The following RABL3 variants were observed in gnomAD, a reference collection of about 807,000 sequenced individuals.
The protein encoded by RABL3 is RAB, member of RAS oncogene family like 3, also known as rab-like protein 3.
In RABL3, 31 loss-of-function variants were observed where a neutral mutation model predicts 31.8. The observed-to-expected ratio is 0.97, with a 90% CI of 0.73 to 1.31. The LOEUF (loss-of-function observed/expected upper bound fraction) is 1.31. Ranked by LOEUF, RABL3 falls within the 40% of genes most tolerant of loss-of-function variation. The pLI, the probability that RABL3 is intolerant of heterozygous loss-of-function variation, is 0.00. For missense variants in RABL3, 263 were observed against 279.6 expected (o/e 0.94, Z 0.42); for synonymous variants, 97 against 99.9 (o/e 0.97, Z 0.18).
At chr3:120,742,303 A>G (rs1709055394) in intron 1 of RABL3, among the ~76,000 whole-genome samples, 159 bp downstream of exon 1, 1 of 152,194 alleles carries the variant, frequency 6.6e-6, no homozygotes, top group African/African-American at 2.4e-5. Flanking sequence ...CCGCGTCGTC[A>G]CACGGAGCAA....
At position 120,685,566 on chromosome 3, in the gene RABL3, C is replaced by T. The variant is rs759570644; in HGVS notation, c.*4257G>A. Among the ~76,000 whole-genome samples, 18 of 152,120 alleles carry T rather than the reference C, an allele frequency of 1.2e-4. No individual in the cohort carries two copies. The highest frequency in any genetic ancestry group is 2.1e-4 in the Non-Finnish European group (14 of 68,018). ...AAAAATGATAGCAATACATGAAAGA[C>T]AAATACTTGTTTTGCCAACAGAAGA... On this transcript the variant is annotated 3_prime_UTR_variant, in exon 8 of 8. Transcript: ENST00000273375.
intron 2 of RABL3, among the ~76,000 whole-genome samples, chr3:120,726,547 C>T (rs557124114): frequency 1.3e-5 from 2 of 152,112 alleles, no homozygotes; most frequent in Non-Finnish European, 1.5e-5. Flanking sequence ...TCGAGACCAG[C>T]CTAGCCAACA....
At chr3:120,691,385 G>A (rs148285092) in intron 6 of RABL3, among the ~76,000 whole-genome samples, 40 of 152,292 alleles carry the variant, frequency 2.6e-4, no homozygotes, top group Non-Finnish European at 3.8e-4. Flanking sequence ...TGGTGTGAAA[G>A]CAACATGCAT....
intron 1 of RABL3, among the ~76,000 whole-genome samples, chr3:120,739,488 C>T (rs1009578942): frequency 2.0e-5 from 3 of 152,020 alleles, no homozygotes; most frequent in Admixed American, 6.5e-5. Flanking sequence ...AGTTGTTTTT[C>T]CTCTCATAAA....
At chr3:120,719,959 C>T (rs964316611) in intron 2 of RABL3, among the ~76,000 whole-genome samples, 1 of 152,206 alleles carries the variant, frequency 6.6e-6, no homozygotes, top group African/African-American at 2.4e-5. Context: ...TGACACCTCA[C>T]ACGGCCAGGT....
Position 120,725,151 on chromosome 3 carries a change from C to G in RABL3, c.138+5545G>C, listed in dbSNP as rs1451091314. On this transcript the variant is annotated intron_variant, in intron 2 of 7. Transcript: ENST00000273375. ...AGTGAGTGAAGGATATGAACAGACA[C>G]TTCTCAAAAGAAGACATTTATGCAG... 2.0e-5 allele frequency among the ~76,000 whole-genome samples: 3 copies of G among 152,226 alleles called. No homozygotes were observed. In the East Asian group the frequency reaches 5.8e-4, roughly 29 times the overall value.
In RABL3 at chr3:120,706,657, T is replaced by C. The variant is rs75722614; in HGVS notation, c.269-543A>G. The stretch of plus-strand genomic sequence containing the variant: ...TGACAAAATAGTGTCCTGTAGATCA[T>C]CTGAGACTAATCTATTCAAATGTCT... On this transcript the variant is annotated intron_variant, in intron 3 of 7. Transcript: ENST00000273375. Among the ~76,000 whole-genome samples, 1,149 of 146,984 alleles carry C rather than the reference T, an allele frequency of 7.8e-3. 24 individuals carry two copies. Among genetic ancestry groups the C allele is most frequent in the African/African-American group, 0.026 (1,089 of 41,192 alleles).
At chr3:120,737,368 C>T (rs547831028) in intron 1 of RABL3, among the ~76,000 whole-genome samples, 26 of 152,346 alleles carry the variant, frequency 1.7e-4, no homozygotes, top group South Asian at 4.1e-4. Context: ...TGGTTTTCAG[C>T]TCCAACAGGT....
At chr3:120,723,453 C>A (rs1708774804) in intron 2 of RABL3, among the ~76,000 whole-genome samples, 1 of 152,130 alleles carries the variant, frequency 6.6e-6, no homozygotes, top group Admixed American at 6.6e-5. Context: ...TTTTATGAGG[C>A]CAGCATCATC....
chr3:120,734,462 C>G (rs956569611), intron 1 of RABL3, among the ~76,000 whole-genome samples: 5 of 152,184 alleles, frequency 3.3e-5, no homozygotes, highest in African/African-American at 1.2e-4. Flanking sequence ...ATGGGGTTTT[C>G]TGGATATACT....
At chr3:120,728,458 G>C (rs1265221298) in intron 2 of RABL3, among the ~76,000 whole-genome samples, 1 of 152,168 alleles carries the variant, frequency 6.6e-6, no homozygotes, top group African/African-American at 2.4e-5. Flanking sequence ...CTCTTTCACA[G>C]AATCGGAGCT....
intron 2 of RABL3, among the ~76,000 whole-genome samples, chr3:120,718,714 T>C (rs1708699086): frequency 6.6e-6 from 1 of 152,196 alleles, no homozygotes; most frequent in African/African-American, 2.4e-5. Flanking sequence ...ATCTTACTTA[T>C]AAGAGACATC....
At chr3:120,717,856 G>C (rs911085688) in intron 2 of RABL3, among the ~76,000 whole-genome samples, 16 of 152,084 alleles carry the variant, frequency 1.1e-4, no homozygotes, top group African/African-American at 3.4e-4. Flanking sequence ...TCTCATGTTG[G>C]CCTGCTCTCT....
chr3:120,726,808 A>T (rs1416332844), intron 2 of RABL3, among the ~76,000 whole-genome samples: 1 of 151,946 alleles, frequency 6.6e-6, no homozygotes, highest in African/African-American at 2.4e-5. Flanking sequence ...CATGGAGCAA[A>T]TCTCAACAAA....
chr3:120,717,665 C>T (rs1449899688), intron 2 of RABL3, among the ~76,000 whole-genome samples: 2 of 152,074 alleles, frequency 1.3e-5, no homozygotes, highest in African/African-American at 4.8e-5. Flanking sequence ...GATGGGGTTT[C>T]ACAATGTTGA....
rs558515007 is a variant in RABL3 at position 120,694,976 on chromosome 3, T to C, written c.535-752A>G. On this transcript the variant is annotated intron_variant, in intron 5 of 7. Coordinates refer to ENST00000273375, the MANE Select transcript of RABL3 (RefSeq NM_173825.5). ...CAGTCTAGCTGTTTTTTTTTTTTTT[T>C]GCTTGTCACCATTGACTTGTGACCT... Among the ~76,000 whole-genome samples, 8 of 151,650 alleles carry C rather than the reference T, an allele frequency of 5.3e-5. No homozygotes were observed. The South Asian group carries it at 1.5e-3, about 28-fold the overall frequency.
intron 2 of RABL3, among the ~76,000 whole-genome samples, chr3:120,728,780 A>T (rs1303562483): frequency 1.3e-5 from 2 of 151,912 alleles, no homozygotes; most frequent in African/African-American, 4.9e-5. Flanking sequence ...TGCTATAAAA[A>T]TATTTTGAGA....
intron 4 of RABL3, among the ~76,000 whole-genome samples, chr3:120,703,797 TA>T (rs1708520444): frequency 6.6e-6 from 1 of 152,108 alleles, no homozygotes; most frequent in Non-Finnish European, 1.5e-5. Flanking sequence ...TGATATACAT[TA>T]AAAAATTTAA....
At chr3:120,704,674 C>T (rs930025370) in intron 4 of RABL3, among the ~76,000 whole-genome samples, 2 of 152,174 alleles carry the variant, frequency 1.3e-5, no homozygotes, top group African/African-American at 4.8e-5. Context: ...ACTCTGGTCA[C>T]AAGATACAGG....
Sources: gnomAD v4.1 joint callset for allele counts (sites outside exome capture counted in the v4.1 genomes callset) on GRCh38, gnomAD v4.1.1 for gene constraint, MANE v1.5 for transcripts, NCBI Gene and HGNC (gene_info 2026-07-23, HGNC 2026-07-21) for gene names.